PLXNA2: variants seen among roughly 807,000 people sequenced by gnomAD.
PLXNA2 encodes plexin A2.
PLXNA2 carries 91 observed loss-of-function variants against 193.5 expected under a neutral mutation model. The ratio of observed to expected loss-of-function variants is 0.47; its 90% CI spans 0.40 to 0.56. The LOEUF (loss-of-function observed/expected upper bound fraction) is 0.56, where lower values mean the gene tolerates loss of function less well. Among genes scored for constraint, PLXNA2 ranks in the 20% least tolerant of loss-of-function variants. The pLI, the probability that PLXNA2 is intolerant of heterozygous loss-of-function variation, is 0.00. For synonymous variants in PLXNA2, 997 were observed against 1,027.3 expected (o/e 0.97, Z 0.56); for missense variants, 1,995 against 2,503.2 (o/e 0.80, Z 4.33).
chr1:208,198,754 A>T (rs758405791), intron 3 of PLXNA2, among the ~76,000 whole-genome samples: 9 of 152,172 alleles, frequency 5.9e-5, no homozygotes, highest in African/African-American at 1.7e-4. Context: ...GGTAGTCTAC[A>T]CGTGGACATA....
chr1:208,094,402 T>A (rs974129454), intron 8 of PLXNA2, among the ~76,000 whole-genome samples: 2 of 152,228 alleles, frequency 1.3e-5, no homozygotes, highest in Non-Finnish European at 2.9e-5. Flanking sequence ...GTGTTTGGCA[T>A]TAAAATGGAA....
intron 4 of PLXNA2, among the ~76,000 whole-genome samples, chr1:208,112,781 A>G (rs1667522628): frequency 6.6e-6 from 1 of 152,058 alleles, no homozygotes; most frequent in African/African-American, 2.4e-5. Flanking sequence ...GTGTGCTGAA[A>G]CTCAGGATCC....
intron 3 of PLXNA2, among the ~76,000 whole-genome samples, chr1:208,207,024 G>A (rs960064147): frequency 1.3e-5 from 2 of 151,724 alleles, no homozygotes; most frequent in Non-Finnish European, 2.9e-5. Flanking sequence ...TTTTGCTTTT[G>A]AGATGGAGTC....
chr1:208,045,893 C>T lies in PLXNA2; in HGVS notation c.3480G>A (p.Ser1160=), dbSNP rs753774411. 27 of 1,614,092 alleles carry T rather than the reference C, an allele frequency of 1.7e-5. No individual in the cohort carries two copies. In the Admixed American group the frequency reaches 2.3e-4, roughly 14 times the overall value. ...GCACTCCTACCTTCAGAATGATGGGCGATCCTGGCTTTTGATCCAAGACTC... is the reference window on the plus strand; with the variant it reads ...GCACTCCTACCTTCAGAATGATGGGTGATCCTGGCTTTTGATCCAAGACTC... ...PTGVLDQKPG[S]PIILKGKNLC... Residue 1160 remains serine, a synonymous_variant, in exon 18 of 32, where the codon TCG becomes TCA. Coordinates refer to ENST00000367033, the MANE Select transcript of PLXNA2 (RefSeq NM_025179.4).
chr1:208,116,153 T>C lies in PLXNA2; in HGVS notation c.1507-12906A>G, dbSNP rs1363270692. On this transcript the variant is annotated intron_variant, in intron 4 of 31. Transcript: ENST00000367033. ...CAAACATCCTCCCCTCTCCCGCTCA[T>C]GTGCAAATCCCTGGGCCCTCCCTCC... 2.0e-5 allele frequency among the ~76,000 whole-genome samples: 3 copies of C among 152,226 alleles called. No homozygotes were observed. In the East Asian group the frequency reaches 5.8e-4, roughly 29 times the overall value.
At position 208,103,184 on chromosome 1, in the gene PLXNA2, C is replaced by T. The variant is rs762120598; in HGVS notation, c.1570G>A (p.Gly524Arg). ...YTTCGECLSS[G>R]DPHCGWCALH... ...GCACACCAGCCACAGTGAGGGTCCCCAGAGCTCAGGCACTCCCCACAAGTC... is the reference window on the plus strand; with the variant it reads ...GCACACCAGCCACAGTGAGGGTCCCTAGAGCTCAGGCACTCCCCACAAGTC... The change falls in exon 5 of 32, where the codon GGG (glycine) becomes AGG (arginine). Residue 524 changes from glycine to arginine, a missense_variant. Transcript: ENST00000367033. 4 of 1,614,162 alleles carry T rather than the reference C, an allele frequency of 2.5e-6. No homozygotes were observed. The highest frequency in any genetic ancestry group is 3.4e-6 in the Non-Finnish European group (4 of 1,180,022).
At chr1:208,042,392 C>T (rs776789640) in intron 21 of PLXNA2, 26 bp from the exon 22 acceptor site, 94 of 1,605,100 alleles carry the variant, frequency 5.9e-5, no homozygotes, top group Admixed American at 3.4e-4. Flanking sequence ...GTGGAGGCGA[C>T]GCCCTCAGAG....
In PLXNA2 at chr1:208,024,043, A is replaced by G. The variant is rs1664268099; in HGVS notation, c.*3200T>C. The G allele has an allele frequency of 6.6e-6, 1 of 152,464 alleles. No individual in the cohort carries two copies. The allele number at this position is 152,464 out of a possible 1,614,324, so 9.4% of individuals were successfully genotyped here. A position where few individuals can be genotyped will look rare whatever the true frequency, so the allele number is the denominator to read the frequency against. On this transcript the variant is annotated 3_prime_UTR_variant, in exon 32 of 32. Coordinates refer to ENST00000367033, the MANE Select transcript of PLXNA2 (RefSeq NM_025179.4). ...CATGCAGAGGACGGGAGGCAGCAGC[A>G]GGGGCCAGCTGGAGGGAGTGCTCTC...
chr1:208,096,947 G>A, intron 6 of PLXNA2, 64 bp from the exon 7 acceptor site: 1 of 1,498,292 alleles, frequency 6.7e-7, no homozygotes, highest in Non-Finnish European at 9.0e-7. Context: ...TCCAGGTCCA[G>A]CCCTGCTGTG....
intron 3 of PLXNA2, among the ~76,000 whole-genome samples, chr1:208,144,291 T>C (rs1668542358): frequency 1.3e-5 from 2 of 152,126 alleles, no homozygotes; most frequent in South Asian, 2.1e-4. Flanking sequence ...ATTGGCCGAG[T>C]GGGGAAGGTC....
At chr1:208,180,939 T>G (rs1221186969) in intron 3 of PLXNA2, among the ~76,000 whole-genome samples, 4 of 152,152 alleles carry the variant, frequency 2.6e-5, no homozygotes, top group Non-Finnish European at 4.4e-5. Flanking sequence ...CCTGCCCAAG[T>G]TTGAGAGGGG....
rs149656912 is a variant in PLXNA2, at chr1:208,177,477, C to T, written c.1371+32803G>A. 3.9e-5 allele frequency among the ~76,000 whole-genome samples: 6 copies of T among 152,330 alleles called. No individual in the cohort carries two copies. In the East Asian group the frequency reaches 1.2e-3, roughly 29 times the overall value. On this transcript the variant is annotated intron_variant, in intron 3 of 31. Transcript: ENST00000367033. ...TTTATGAGGATTAAAAGAGTTAATA[C>T]ATGCAAAGCTCTAGGACAGTGGCAC... is the stretch of plus-strand genomic sequence containing the variant.
intron 13 of PLXNA2, 120 bp from the exon 14 acceptor site, chr1:208,054,658 T>G (rs1043749979): frequency 3.2e-5 from 23 of 708,884 alleles, no homozygotes; most frequent in Non-Finnish European, 5.1e-5. Flanking sequence ...AGACCAAGAC[T>G]CAGCTTGGTC....
chr1:208,241,577 TAG>T (rs1391755601), intron 1 of PLXNA2, among the ~76,000 whole-genome samples: 1 of 152,230 alleles, frequency 6.6e-6, no homozygotes, highest in Non-Finnish European at 1.5e-5. Flanking sequence ...GGTCCCTGGA[TAG>T]AGATCTCCTG....
chr1:208,132,784 G>T (rs1172111060), intron 4 of PLXNA2, among the ~76,000 whole-genome samples: 3 of 152,110 alleles, frequency 2.0e-5, no homozygotes, highest in Non-Finnish European at 4.4e-5. Flanking sequence ...GCGGGTAGTA[G>T]GTTCCTGGTA....
rs368987214 is a variant in PLXNA2 at position 208,217,876 on chromosome 1, C to A, written c.47G>T (p.Arg16Leu). Reference protein sequence around the residue: ...PWPRALEVDSRSVVLLSVVWV... With the variant: ...PWPRALEVDSLSVVLLSVVWV... ...GACCACTGAGAGCAGGACCACAGAG[C>A]GGCTGTCCACCTCCAGGGCCCGGGG... is the stretch of plus-strand genomic sequence containing the variant. The change falls in exon 2 of 32, where the codon CGC becomes CTC. Residue 16 changes from arginine to leucine, a missense_variant. This residue lies in a region of PLXNA2 where 702 missense variants were observed against 812.9 expected (regional missense o/e 0.86). Coordinates refer to ENST00000367033, the MANE Select transcript of PLXNA2 (RefSeq NM_025179.4). The surrounding 1 kb of genome is among the most constrained non-coding windows in gnomAD (Gnocchi z 4.7). 21 of 1,612,664 alleles carry A rather than the reference C, an allele frequency of 1.3e-5. No individual in the cohort carries two copies. The highest frequency in any genetic ancestry group is 1.6e-4 in the Middle Eastern group (1 of 6,082).
At chr1:208,124,285 G>A (rs1428225222) in intron 4 of PLXNA2, among the ~76,000 whole-genome samples, 1 of 152,094 alleles carries the variant, frequency 6.6e-6, no homozygotes, top group African/African-American at 2.4e-5. Flanking sequence ...TTAGTACCTG[G>A]GTGATGAAAT....
chr1:208,083,519 T>G (rs1666414739), intron 10 of PLXNA2, among the ~76,000 whole-genome samples: 1 of 151,850 alleles, frequency 6.6e-6, no homozygotes, highest in Admixed American at 6.6e-5. Context: ...CTTGGCGGCC[T>G]TCCACCGATT....
At chr1:208,114,909 T>C (rs1335478703) in intron 4 of PLXNA2, among the ~76,000 whole-genome samples, 2 of 152,200 alleles carry the variant, frequency 1.3e-5, no homozygotes, top group African/African-American at 2.4e-5. Flanking sequence ...GATAAGAATA[T>C]GTATTAAATC....
Sources: allele counts gnomAD v4.1 joint callset (sites outside exome capture counted in the v4.1 genomes callset), GRCh38; gene constraint gnomAD v4.1.1; regional missense constraint gnomAD v4.1.1; non-coding constraint Gnocchi (gnomAD v3.1); transcripts MANE v1.5; gene names NCBI Gene and HGNC (gene_info 2026-07-23, HGNC 2026-07-21).